Variants in VAV1 observed in about 807,000 individuals in gnomAD.
The protein encoded by VAV1 is vav guanine nucleotide exchange factor 1.
In VAV1, 33 loss-of-function variants were observed where a neutral mutation model predicts 128.1. The ratio of observed to expected loss-of-function variants is 0.26; its 90% CI spans 0.20 to 0.34. The LOEUF is 0.34. Among genes scored for constraint, VAV1 ranks in the 10% least tolerant of loss-of-function variants. The pLI is 1.00. For missense variants in VAV1, 715 were observed against 1,093.7 expected, an observed-to-expected ratio of 0.65 and a Z score of 4.88; for synonymous variants, 394 against 409.8, an observed-to-expected ratio of 0.96 and a Z score of 0.47.
chr19:6,802,627 G>A (rs556728898), intron 1 of VAV1, among the ~76,000 whole-genome samples: 42 of 152,296 alleles, frequency 2.8e-4, no homozygotes, highest in Admixed American at 5.2e-4. Context: ...ACAGCCATCT[G>A]CTCTATTGTC....
chr19:6,831,468 C>T (rs554827371), intron 14 of VAV1, among the ~76,000 whole-genome samples: 8 of 152,118 alleles, frequency 5.3e-5, no homozygotes, highest in African/African-American at 1.7e-4. Context: ...CCCGCCACCA[C>T]GCCCAGCTAA....
At chr19:6,810,379 G>A (rs531518751) in intron 1 of VAV1, among the ~76,000 whole-genome samples, 4 of 152,190 alleles carry the variant, frequency 2.6e-5, no homozygotes, top group Middle Eastern at 3.4e-3. Flanking sequence ...ACTTAGATTC[G>A]TTCCTGGCTT....
At position 6,857,277 on chromosome 19, in the gene VAV1, AT is replaced by A; in HGVS notation, c.*173del. The A allele has an allele frequency of 1.3e-6, 1 of 799,228 alleles. No individual in the cohort carries two copies. Among genetic ancestry groups the A allele is most frequent in the Non-Finnish European group, 1.9e-6 (1 of 518,300 alleles). 49.5% of individuals were successfully genotyped at this position (799,228 alleles called of 1,614,324 possible). A position where few individuals can be genotyped will look rare whatever the true frequency, so the allele number is the denominator to read the frequency against. On this transcript the variant is annotated 3_prime_UTR_variant, in exon 27 of 27. Transcript: ENST00000602142. ...CCCGGGATGTGCCCTGACATGGTTA[AT>A]TTATAACACCCCGATTTCCTCTTGG...
At chr19:6,806,661 G>A (rs1289382579) in intron 1 of VAV1, among the ~76,000 whole-genome samples, 3 of 152,112 alleles carry the variant, frequency 2.0e-5, no homozygotes, top group Non-Finnish European at 4.4e-5. Context: ...CTTAAGATCC[G>A]GGATTTGCAC....
At chr19:6,849,793 A>G (rs971506792) in intron 23 of VAV1, among the ~76,000 whole-genome samples, 24 of 152,270 alleles carry the variant, frequency 1.6e-4, no homozygotes, top group African/African-American at 5.3e-4. Context: ...ATAGTAGTCC[A>G]TAGTGTGTGT....
chr19:6,856,730 G>GAAAAAAAAA (rs1222535432), intron 26 of VAV1, among the ~76,000 whole-genome samples: 1 of 68,816 alleles, frequency 1.5e-5, no homozygotes, highest in Non-Finnish European at 3.1e-5. Context: ...TCTCAAAAAA[G>GAAAAAAAAA]AAAAAAAAAA....
At chr19:6,782,246 C>T (rs974320738) in intron 1 of VAV1, among the ~76,000 whole-genome samples, 13 of 151,986 alleles carry the variant, frequency 8.6e-5, no homozygotes, top group African/African-American at 2.9e-4. Flanking sequence ...AGAAGAATCC[C>T]TTGAACCCAG....
rs747202497 is a variant in VAV1, at chr19:6,826,597, G to C, written c.828-15G>C. On this transcript the variant is annotated splice_polypyrimidine_tract_variant and intron_variant, in intron 8 of 26. Transcript: ENST00000602142. The surrounding 1 kb of genome is among the most constrained non-coding windows in gnomAD (Gnocchi z 4.1). ...GCCAGTCACCTTTACCTGGTGGCCT[G>C]TCTTCTCCCTGTAGGTTCCTCGTCT... is the stretch of plus-strand genomic sequence containing the variant. 1 of 1,548,998 alleles carries C rather than the reference G, an allele frequency of 6.5e-7. No individual in the cohort carries two copies. The highest frequency in any genetic ancestry group is 2.0e-5 in the Admixed American group (1 of 51,108).
Position 6,828,147 on chromosome 19 carries a change from T to G in VAV1, c.999T>G (p.Val333=). Residue 333 remains valine (V), a synonymous_variant, in exon 10 of 27, where the codon GTT becomes GTG. Coordinates refer to ENST00000602142, the MANE Select transcript of VAV1 (RefSeq NM_005428.4). This position sits in a 1 kb window ranked among gnomAD's most constrained non-coding sequence, Gnocchi z 4.5. ...TGCTGATGGTGCCTATGCAGCGAGT[T>G]CTCAAATATCACCTCCTTCTCCAGG... is the stretch of plus-strand genomic sequence containing the variant. ...RDLLMVPMQR[V]LKYHLLLQEL... 1 of 1,614,082 alleles carries G rather than the reference T, an allele frequency of 6.2e-7. No homozygotes were observed. The highest frequency in any genetic ancestry group is 1.1e-5 in the South Asian group (1 of 91,086).
In VAV1 at chr19:6,812,746, G is replaced by A. The variant is rs1017153682; in HGVS notation, c.205-7956G>A. ...CAGCTGGAGCTAAGATGATGATGGTGGTGATGCTCATGGTCATGAATACTA... is the reference window on the plus strand; with the variant it reads ...CAGCTGGAGCTAAGATGATGATGGTAGTGATGCTCATGGTCATGAATACTA... On this transcript the variant is annotated intron_variant, in intron 1 of 26. Coordinates refer to ENST00000602142, the MANE Select transcript of VAV1 (RefSeq NM_005428.4). 2.6e-5 allele frequency among the ~76,000 whole-genome samples: 4 copies of A among 152,110 alleles called. No individual in the cohort carries two copies. In the East Asian group the frequency reaches 7.7e-4, roughly 29 times the overall value.
In VAV1 at chr19:6,814,689, T is replaced by C. The variant is rs925633805; in HGVS notation, c.205-6013T>C. ...CTTCCTTCCTTTCTTTCTTTCTTTCTTTCTTTCTTTCTTTCTTTCTTTCTT... is the reference window on the plus strand; with the variant it reads ...CTTCCTTCCTTTCTTTCTTTCTTTCCTTCTTTCTTTCTTTCTTTCTTTCTT... On this transcript the variant is annotated intron_variant, in intron 1 of 26. Coordinates refer to ENST00000602142, the MANE Select transcript of VAV1 (RefSeq NM_005428.4). 1.6e-3 allele frequency among the ~76,000 whole-genome samples: 197 copies of C among 121,570 alleles called. 6 individuals are homozygous for C. Among genetic ancestry groups the C allele is most frequent in the African/African-American group, 7.1e-3 (186 of 26,100 alleles). The allele number at this position is 121,570 out of a possible 152,430, so 79.8% of individuals were successfully genotyped here. A position where few individuals can be genotyped will look rare whatever the true frequency, so the allele number is the denominator to read the frequency against.
chr19:6,797,348 A>C (rs1971160280), intron 1 of VAV1, among the ~76,000 whole-genome samples: 2 of 152,162 alleles, frequency 1.3e-5, no homozygotes, highest in Non-Finnish European at 2.9e-5. Flanking sequence ...CTCTAAAGTA[A>C]GAATAGTTTG....
chr19:6,845,106 C>T (rs1012056305), intron 22 of VAV1, among the ~76,000 whole-genome samples: 4 of 152,100 alleles, frequency 2.6e-5, no homozygotes, highest in African/African-American at 7.2e-5. Context: ...TTCGGCTGGG[C>T]GCAGTGGCTC....
intron 1 of VAV1, among the ~76,000 whole-genome samples, chr19:6,785,371 G>A (rs535485294): frequency 6.6e-6 from 1 of 152,142 alleles, no homozygotes; most frequent in East Asian, 1.9e-4. Context: ...TCTGTCTATT[G>A]TCCAGGCTGG....
In VAV1 at chr19:6,833,299, A is replaced by C. The variant is rs1972134351; in HGVS notation, c.1610+14A>C. The C allele has an allele frequency of 1.9e-6, 3 of 1,603,698 alleles. No homozygotes were observed. Reference sequence around the variant, plus strand: ...GATGCTGCTTAGGTGAGAATCTGGGAGGAGGGTCCTGCATACCGGACTTGG... The same window carrying C: ...GATGCTGCTTAGGTGAGAATCTGGGCGGAGGGTCCTGCATACCGGACTTGG... On this transcript the variant is annotated intron_variant, in intron 16 of 26. Coordinates refer to ENST00000602142, the MANE Select transcript of VAV1 (RefSeq NM_005428.4).
At chr19:6,803,446 T>TC (rs1450069349) in intron 1 of VAV1, among the ~76,000 whole-genome samples, 1 of 152,164 alleles carries the variant, frequency 6.6e-6, no homozygotes, top group Non-Finnish European at 1.5e-5. Context: ...GTGCTTCTGC[T>TC]CCAGCCCTGT....
intron 1 of VAV1, among the ~76,000 whole-genome samples, chr19:6,789,647 G>T (rs1291461757): frequency 6.7e-6 from 1 of 149,840 alleles, no homozygotes; most frequent in Non-Finnish European, 1.5e-5. Flanking sequence ...ACTCAGACTG[G>T]ACTACAGTGG....
chr19:6,829,071 G>A (rs1971990734), intron 13 of VAV1, among the ~76,000 whole-genome samples, 171 bp downstream of exon 13: 1 of 150,314 alleles, frequency 6.7e-6, no homozygotes. Flanking sequence ...CTGGAGCAGA[G>A]CCTGGGCAGG....
chr19:6,845,262 G>C (rs1972491773), intron 22 of VAV1, among the ~76,000 whole-genome samples: 1 of 152,182 alleles, frequency 6.6e-6, no homozygotes, highest in Non-Finnish European at 1.5e-5. Context: ...GCGCACGCCT[G>C]TAGTCCCAGC....
Sources: gnomAD v4.1 joint callset for allele counts (sites outside exome capture counted in the v4.1 genomes callset) on GRCh38, gnomAD v4.1.1 for gene constraint, Gnocchi (gnomAD v3.1) non-coding constraint, MANE v1.5 for transcripts, NCBI Gene and HGNC (gene_info 2026-07-23, HGNC 2026-07-21) for gene names.